The following PPP3R1 variants were observed in gnomAD, a reference collection of about 807,000 sequenced individuals.
PPP3R1 encodes the protein calcineurin subunit B type 1.
A neutral mutation model predicts 22.6 loss-of-function variants in PPP3R1; 5 were observed. The observed-to-expected ratio is 0.22, with a 90% CI of 0.12 to 0.46. The LOEUF is 0.46. Among genes scored for constraint, PPP3R1 ranks in the 20% least tolerant of loss-of-function variants. The pLI, the probability that PPP3R1 is intolerant of heterozygous loss-of-function variation, is 0.99. For synonymous variants in PPP3R1, 56 were observed against 65.2 expected (o/e 0.86, Z 0.68); for missense variants, 61 against 203.2 (o/e 0.30, Z 4.25).
At chr2:68,198,901 T>G (rs1674896461) in intron 2 of PPP3R1, among the ~76,000 whole-genome samples, 1 of 152,212 alleles carries the variant, frequency 6.6e-6, no homozygotes. Context: ...CTGGTTAAAC[T>G]TATACCTGAG....
At chr2:68,237,540 G>C (rs978584817) in intron 1 of PPP3R1, among the ~76,000 whole-genome samples, 3 of 151,954 alleles carry the variant, frequency 2.0e-5, no homozygotes, top group African/African-American at 7.3e-5. Flanking sequence ...ACAATTACTT[G>C]ACATTATACA....
At position 68,186,549 on chromosome 2, in the gene PPP3R1, C is replaced by T. The variant is rs767911010; in HGVS notation, c.384G>A (p.Gln128=). The change falls in exon 5 of 6, where the codon CAG becomes CAA. Residue 128 remains glutamine, a synonymous_variant. Transcript: ENST00000234310. ...TGGTTTTGTCTACAATTTGCTGTAA[C>T]TGTGTATCTTTCAGATTGTTCCCCA... ...MMVGNNLKDT[Q]LQQIVDKTII... The T allele has an allele frequency of 1.2e-6, 2 of 1,612,916 alleles. No homozygotes were observed. Among genetic ancestry groups the T allele is most frequent in the Admixed American group, 1.7e-5 (1 of 60,010 alleles).
chr2:68,247,995 A>T (rs1670268522), intron 1 of PPP3R1, among the ~76,000 whole-genome samples: 1 of 152,162 alleles, frequency 6.6e-6, no homozygotes, highest in Admixed American at 6.6e-5. Flanking sequence ...CTCCTGCTTG[A>T]AAATAACTTC....
chr2:68,237,515 T>C (rs905791531), intron 1 of PPP3R1, among the ~76,000 whole-genome samples: 13 of 152,154 alleles, frequency 8.5e-5, no homozygotes, highest in Non-Finnish European at 1.6e-4. Flanking sequence ...ATTATAGTAT[T>C]CTTTCAGCAC....
chr2:68,198,431 A>G (rs1425598620), intron 2 of PPP3R1, among the ~76,000 whole-genome samples: 8 of 145,452 alleles, frequency 5.5e-5, no homozygotes, highest in African/African-American at 7.6e-5. Context: ...ATACGTATAT[A>G]TGCGTGTGTA....
intron 1 of PPP3R1, among the ~76,000 whole-genome samples, chr2:68,236,027 T>C (rs867355556): frequency 1.3e-5 from 2 of 152,200 alleles, no homozygotes; most frequent in Admixed American, 1.3e-4. Context: ...CACTTTTAAA[T>C]TGAGTTGTCT....
At chr2:68,189,011 G>A (rs564580314) in intron 2 of PPP3R1, among the ~76,000 whole-genome samples, 6 of 152,108 alleles carry the variant, frequency 3.9e-5, no homozygotes, top group African/African-American at 9.7e-5. Flanking sequence ...GATCATGGAG[G>A]TCACAAAAGA....
At chr2:68,219,465 T>C (rs1464399751) in intron 1 of PPP3R1, among the ~76,000 whole-genome samples, 1 of 152,212 alleles carries the variant, frequency 6.6e-6, no homozygotes, top group East Asian at 1.9e-4. Flanking sequence ...CTTAAGCTAC[T>C]ACCTGGGAGT....
chr2:68,194,699 T>G (rs1674733476), intron 2 of PPP3R1, among the ~76,000 whole-genome samples: 2 of 152,134 alleles, frequency 1.3e-5, no homozygotes. Flanking sequence ...AAAGACAACT[T>G]AAAGCAGTGT....
In PPP3R1 at chr2:68,180,478, G is replaced by A. The variant is rs946752322; in HGVS notation, c.*485C>T. 1 of 152,672 alleles carries A rather than the reference G, an allele frequency of 6.5e-6. No individual in the cohort carries two copies. Among genetic ancestry groups the A allele is most frequent in the Non-Finnish European group, 1.5e-5 (1 of 68,070 alleles). 9.5% of individuals were successfully genotyped at this position (152,672 alleles called of 1,614,324 possible). A position where few individuals can be genotyped will look rare whatever the true frequency, so the allele number is the denominator to read the frequency against. ...CCTAACACCCGGCTCAAATTGTACA[G>A]TCTTCTATCTATATATAAAACTGTG... is the stretch of plus-strand genomic sequence containing the variant. On this transcript the variant is annotated 3_prime_UTR_variant, in exon 6 of 6. Coordinates refer to ENST00000234310, the MANE Select transcript of PPP3R1 (RefSeq NM_000945.4).
chr2:68,182,078 CCT>C (rs796714631), intron 5 of PPP3R1, among the ~76,000 whole-genome samples: 13,882 of 45,564 alleles, frequency 0.3, 2,063 homozygotes, highest in African/African-American at 0.55. Flanking sequence ...CCAACCCCCC[CCT>C]CCCCCCACCA....
Position 68,252,246 on chromosome 2 carries a change from G to A in PPP3R1, c.-119C>T, listed in dbSNP as rs1462014035. 1.8e-5 allele frequency: 20 copies of A among 1,088,826 alleles called. No individual in the cohort carries two copies. The highest frequency in any genetic ancestry group is 3.9e-4 in the Middle Eastern group (1 of 2,590). 67.4% of individuals were successfully genotyped at this position (1,088,826 alleles called of 1,614,324 possible). On this transcript the variant is annotated 5_prime_UTR_variant, in exon 1 of 6. Coordinates refer to ENST00000234310, the MANE Select transcript of PPP3R1 (RefSeq NM_000945.4). ...GCGGCCCTCGGGTCGCCGGCGGGGAGGGGGCGCGCGTGGGGGAGGGGAGGC... is the reference window on the plus strand; with the variant it reads ...GCGGCCCTCGGGTCGCCGGCGGGGAAGGGGCGCGCGTGGGGGAGGGGAGGC...
intron 1 of PPP3R1, among the ~76,000 whole-genome samples, chr2:68,243,698 T>C (rs1009485660): frequency 2.6e-5 from 4 of 152,152 alleles, no homozygotes; most frequent in Non-Finnish European, 4.4e-5. Flanking sequence ...CACTATAAAA[T>C]TGTTACCTAA....
At chr2:68,232,020 G>A (rs1383743047) in intron 1 of PPP3R1, among the ~76,000 whole-genome samples, 2 of 150,428 alleles carry the variant, frequency 1.3e-5, no homozygotes, top group South Asian at 4.2e-4. Context: ...AGCACTTTGG[G>A]AGGCCAAGGC....
chr2:68,191,207 G>A (rs1024021743), intron 2 of PPP3R1, among the ~76,000 whole-genome samples: 1 of 152,154 alleles, frequency 6.6e-6, no homozygotes, highest in African/African-American at 2.4e-5. Flanking sequence ...ATCATTGTAT[G>A]AACATCAGAG....
intron 2 of PPP3R1, among the ~76,000 whole-genome samples, chr2:68,190,254 TTAAAAAAAAAAAAA>T (rs1412797477): frequency 9.4e-5 from 8 of 85,522 alleles, no homozygotes; most frequent in African/African-American, 2.6e-4. Flanking sequence ...CAAGTTTCTC[TTAAAAAAAAAAAAA>T]AAAAAAAAAA....
At chr2:68,237,350 T>C (rs1670037725) in intron 1 of PPP3R1, among the ~76,000 whole-genome samples, 1 of 152,188 alleles carries the variant, frequency 6.6e-6, no homozygotes, top group African/African-American at 2.4e-5. Flanking sequence ...TCAGGCAATC[T>C]TGTGGTGGTT....
At chr2:68,197,680 C>T (rs948981564) in intron 2 of PPP3R1, among the ~76,000 whole-genome samples, 8 of 151,782 alleles carry the variant, frequency 5.3e-5, no homozygotes, top group Non-Finnish European at 1.0e-4. Context: ...AAAAAAAAAG[C>T]GTTATGTAAA....
In PPP3R1 at chr2:68,184,256, G is replaced by A. The variant is rs13430159; in HGVS notation, c.465+2212C>T. Among the ~76,000 whole-genome samples, 746 of 152,236 alleles carry A rather than the reference G, an allele frequency of 4.9e-3. 5 individuals are homozygous for A. Among genetic ancestry groups the A allele is most frequent in the African/African-American group, 0.017 (702 of 41,540 alleles). ...CTTTCATCCTCACTTCCAGTTGCTT[G>A]TGCCATCAATTTCTGAGCCTTTCAC... On this transcript the variant is annotated intron_variant, in intron 5 of 5. Coordinates refer to ENST00000234310, the MANE Select transcript of PPP3R1 (RefSeq NM_000945.4).
Sources: allele counts gnomAD v4.1 joint callset (sites outside exome capture counted in the v4.1 genomes callset), GRCh38; gene constraint gnomAD v4.1.1; transcripts MANE v1.5; gene names NCBI Gene and HGNC (gene_info 2026-07-23, HGNC 2026-07-21).